The following GSAP variants were observed in gnomAD, a reference collection of about 807,000 sequenced individuals.
The protein encoded by GSAP is gamma-secretase-activating protein.
In GSAP, 118 loss-of-function variants were observed where a neutral mutation model predicts 131.7. The ratio of observed to expected loss-of-function variants is 0.90; its 90% CI spans 0.77 to 1.04. The LOEUF (loss-of-function observed/expected upper bound fraction) is 1.04, where lower values mean the gene tolerates loss of function less well. Ranked by LOEUF, GSAP falls within the 50% of genes least tolerant of loss-of-function variation. The pLI is 0.00. For synonymous variants in GSAP, 381 were observed against 363.4 expected (o/e 1.05, Z -0.55); for missense variants, 1,019 against 1,013.2 (o/e 1.01, Z -0.08).
intron 3 of GSAP, among the ~76,000 whole-genome samples, chr7:77,402,381 TAA>T (rs1180045969): frequency 2.2e-5 from 2 of 92,002 alleles, no homozygotes; most frequent in Non-Finnish European, 2.2e-5. Flanking sequence ...CCATCTCTAC[TAA>T]AAAAAAAAAA....
At chr7:77,416,168 T>C in intron 1 of GSAP, 45 bp downstream of exon 1, 1 of 1,127,476 alleles carries the variant, frequency 8.9e-7, no homozygotes, top group South Asian at 1.7e-5. Flanking sequence ...TATGAGGGAC[T>C]CCCACTCCCC....
At chr7:77,381,218 CAAT>C in intron 8 of GSAP, 84 bp downstream of exon 8, 1 of 627,244 alleles carries the variant, frequency 1.6e-6, no homozygotes. Context: ...CATTATATAT[CAAT>C]AACATTATCT....
intron 13 of GSAP, 97 bp from the exon 14 acceptor site, chr7:77,360,998 A>G: frequency 1.4e-6 from 1 of 721,440 alleles, no homozygotes; most frequent in South Asian, 1.5e-5. Context: ...TTCAGTGACC[A>G]TGAAACTGGT....
rs751700634 is a variant in GSAP at position 77,352,989 on chromosome 7, G to A, written c.1446C>T (p.Asn482=). ...AGGAATGTGGCAATAGTTTGTCCAT[G>A]TTACTTGTCTCTGAATATACACTCC... ...SYWSVYSETS[N]MDKLLPHSSV... The change falls in exon 18 of 31, where the codon AAC becomes AAT. Residue 482 remains asparagine, a synonymous_variant. Transcript: ENST00000257626. The A allele has an allele frequency of 6.2e-7, 1 of 1,608,076 alleles. No homozygotes were observed. Among genetic ancestry groups the A allele is most frequent in the Non-Finnish European group, 8.5e-7 (1 of 1,174,692 alleles).
chr7:77,403,640 A>G (rs962403934), intron 3 of GSAP, among the ~76,000 whole-genome samples: 4 of 152,224 alleles, frequency 2.6e-5, no homozygotes, highest in Non-Finnish European at 5.9e-5. Flanking sequence ...TGTGAAGGTT[A>G]AGCAGAAGCA....
intron 3 of GSAP, among the ~76,000 whole-genome samples, chr7:77,403,595 G>T (rs572172097): frequency 6.6e-6 from 1 of 152,174 alleles, no homozygotes; most frequent in African/African-American, 2.4e-5. Flanking sequence ...GGGGTTCCTT[G>T]TCTGGATCAC....
intron 8 of GSAP, 39 bp downstream of exon 8, chr7:77,381,266 A>C (rs1305968940): frequency 5.6e-6 from 7 of 1,251,846 alleles, no homozygotes; most frequent in Non-Finnish European, 1.1e-6. Context: ...TTGTGGGGAA[A>C]AAAAAACCTA....
intron 18 of GSAP, among the ~76,000 whole-genome samples, chr7:77,352,628 G>C (rs1253180588): frequency 6.6e-6 from 1 of 152,084 alleles, no homozygotes; most frequent in African/African-American, 2.4e-5. Flanking sequence ...TAAAAACTCA[G>C]TACATATTTT....
At chr7:77,375,352 CT>C (rs540629889) in intron 10 of GSAP, among the ~76,000 whole-genome samples, 127 of 152,272 alleles carry the variant, frequency 8.3e-4, no homozygotes, top group African/African-American at 2.9e-3. Context: ...GCTTGACAAA[CT>C]TTGTCTTAGA....
intron 1 of GSAP, among the ~76,000 whole-genome samples, chr7:77,412,503 T>C (rs1231556306): frequency 6.6e-6 from 1 of 152,084 alleles, no homozygotes; most frequent in Non-Finnish European, 1.5e-5. Context: ...AAACTCCTAA[T>C]TTAGACTACA....
At chr7:77,349,238 T>A in intron 19 of GSAP, 113 bp downstream of exon 19, 3 of 779,878 alleles carry the variant, frequency 3.8e-6, no homozygotes, top group Non-Finnish European at 6.7e-6. Flanking sequence ...CCCTACTGCC[T>A]TGCCCTCCCC....
chr7:77,416,208 C>T lies in GSAP; in HGVS notation c.109+5G>A, dbSNP rs1016804573. The T allele has an allele frequency of 1.4e-6, 2 of 1,432,472 alleles. No homozygotes were observed. Among genetic ancestry groups the T allele is most frequent in the South Asian group, 1.4e-5 (1 of 72,850 alleles). The allele number at this position is 1,432,472 out of a possible 1,614,324, so 88.7% of individuals were successfully genotyped here. ...CCACCCCTCTCCGCAGCGCGCCTCCCGCACCTGCGCCGCCGCTTCCGGCCC... is the reference window on the plus strand; with the variant it reads ...CCACCCCTCTCCGCAGCGCGCCTCCTGCACCTGCGCCGCCGCTTCCGGCCC... On this transcript the variant is annotated splice_donor_5th_base_variant and intron_variant, in intron 1 of 30. Transcript: ENST00000257626.
At chr7:77,409,845 A>G (rs1215673755) in intron 1 of GSAP, among the ~76,000 whole-genome samples, 1 of 152,226 alleles carries the variant, frequency 6.6e-6, no homozygotes, top group Non-Finnish European at 1.5e-5. Context: ...AAAATTCTCC[A>G]ACAAACGCAG....
intron 6 of GSAP, among the ~76,000 whole-genome samples, chr7:77,384,108 A>C (rs1415991097): frequency 6.6e-6 from 1 of 152,278 alleles, no homozygotes; most frequent in African/African-American, 2.4e-5. Context: ...ACCAGAGTTG[A>C]GGAAAAGCAG....
Position 77,374,145 on chromosome 7 carries a change from A to C in GSAP, c.796T>G (p.Phe266Val), listed in dbSNP as rs1176974324. ...CGGTATTGATGATAATCACATCCAAAGTTGACAAGTCTAAGAACATAAAGA... is the reference window on the plus strand; with the variant it reads ...CGGTATTGATGATAATCACATCCAACGTTGACAAGTCTAAGAACATAAAGA... ...LSNSGFKLVN[F>V]GCDYHQYRDK... Residue 266 changes from phenylalanine (F) to valine (V), a missense_variant, in exon 12 of 31, where the codon TTT becomes GTT. Phe to Val is a conservative substitution (Grantham distance 50, BLOSUM62 -1). Coordinates refer to ENST00000257626, the MANE Select transcript of GSAP (RefSeq NM_017439.4). The C allele has an allele frequency of 1.3e-6, 2 of 1,558,794 alleles. No homozygotes were observed. Among genetic ancestry groups the C allele is most frequent in the Admixed American group, 3.5e-5 (2 of 56,986 alleles).
chr7:77,311,167 G>C lies in GSAP; in HGVS notation c.*191C>G. On this transcript the variant is annotated 3_prime_UTR_variant, in exon 31 of 31. Transcript: ENST00000257626. Reference sequence around the variant, plus strand: ...ATTTCTCTACACTTGATTGCTCACTGGCTATTCAAAATTGGAATGTGATAC... The same window carrying C: ...ATTTCTCTACACTTGATTGCTCACTCGCTATTCAAAATTGGAATGTGATAC... The C allele has an allele frequency of 1.8e-6, 1 of 543,918 alleles. No individual in the cohort carries two copies. The highest frequency in any genetic ancestry group is 3.3e-6 in the Non-Finnish European group (1 of 303,984). The allele number at this position is 543,918 out of a possible 1,614,324, so 33.7% of individuals were successfully genotyped here. A position where few individuals can be genotyped will look rare whatever the true frequency, so the allele number is the denominator to read the frequency against.
chr7:77,339,793 C>T (rs1790622409), intron 19 of GSAP, among the ~76,000 whole-genome samples: 1 of 152,186 alleles, frequency 6.6e-6, no homozygotes, highest in African/African-American at 2.4e-5. Context: ...AAATCATATT[C>T]TTAGAAAACC....
chr7:77,400,286 C>G (rs1801107502), intron 3 of GSAP, among the ~76,000 whole-genome samples: 1 of 152,124 alleles, frequency 6.6e-6, no homozygotes, highest in Non-Finnish European at 1.5e-5. Context: ...GGATCCTGGA[C>G]TCCCACCCAG....
chr7:77,331,752 A>G (rs982712357), intron 19 of GSAP: 1 of 152,190 alleles, frequency 6.6e-6, no homozygotes, highest in Non-Finnish European at 1.5e-5. Flanking sequence ...TCTTCCCAAG[A>G]AAGTCTCATG....
Sources: allele counts gnomAD v4.1 joint callset (sites outside exome capture counted in the v4.1 genomes callset), GRCh38; gene constraint gnomAD v4.1.1; transcripts MANE v1.5; gene names NCBI Gene and HGNC (gene_info 2026-07-23, HGNC 2026-07-21).